Variants in BACE2 observed in about 807,000 individuals in gnomAD.
BACE2 encodes beta-secretase 2.
BACE2 carries 17 observed loss-of-function variants against 46.2 expected under a neutral mutation model. The observed-to-expected ratio is 0.37, with a 90% CI of 0.25 to 0.55. The LOEUF (loss-of-function observed/expected upper bound fraction) is 0.55, where lower values mean the gene tolerates loss of function less well. BACE2 is among the 20% of genes least tolerant of loss of function. The pLI is 0.82. For missense variants in BACE2, 595 were observed against 698.1 expected, an observed-to-expected ratio of 0.85 and a Z score of 1.66; for synonymous variants, 277 against 295.9, an observed-to-expected ratio of 0.94 and a Z score of 0.66.
intron 1 of BACE2, among the ~76,000 whole-genome samples, chr21:41,174,530 C>T (rs1369864910): frequency 6.6e-6 from 1 of 152,116 alleles, no homozygotes; most frequent in East Asian, 1.9e-4. Flanking sequence ...CTCTCCTTCT[C>T]CCTAGTATCT....
chr21:41,175,339 C>T (rs954970531), intron 1 of BACE2: 5 of 152,200 alleles, frequency 3.3e-5, no homozygotes, highest in East Asian at 1.9e-4. Flanking sequence ...TAGAGAGTAA[C>T]GTGGCGATGC....
intron 1 of BACE2, chr21:41,180,221 G>C (rs1318678656): frequency 4.9e-6 from 1 of 204,476 alleles, no homozygotes; most frequent in Non-Finnish European, 1.1e-5. Flanking sequence ...ACACAGGTCG[G>C]TGTGTCCTAT....
At chr21:41,220,006 G>C (rs990519594) in intron 1 of BACE2, among the ~76,000 whole-genome samples, 17 of 152,302 alleles carry the variant, frequency 1.1e-4, no homozygotes, top group Non-Finnish European at 2.4e-4. Flanking sequence ...CCAGTTGCGA[G>C]CTCCGGGTCA....
intron 1 of BACE2, among the ~76,000 whole-genome samples, chr21:41,197,787 A>G (rs577887973): frequency 6.6e-6 from 1 of 152,336 alleles, no homozygotes; most frequent in Admixed American, 6.5e-5. Context: ...CAGATCAGCT[A>G]TATGGCTGAG....
chr21:41,245,501 G>A (rs913997090), intron 5 of BACE2, among the ~76,000 whole-genome samples: 1 of 152,258 alleles, frequency 6.6e-6, no homozygotes, highest in South Asian at 2.1e-4. Flanking sequence ...GCAAATATGG[G>A]ATGTCTGTTG....
intron 1 of BACE2, among the ~76,000 whole-genome samples, chr21:41,192,740 C>T (rs1985616720): frequency 6.6e-6 from 1 of 152,236 alleles, no homozygotes; most frequent in Non-Finnish European, 1.5e-5. Flanking sequence ...GGACCTGTTG[C>T]AGAGCCTTCT....
At chr21:41,271,101 A>G (rs1221148443) in intron 8 of BACE2, among the ~76,000 whole-genome samples, 2 of 152,186 alleles carry the variant, frequency 1.3e-5, no homozygotes, top group Non-Finnish European at 2.9e-5. Context: ...TATTCTGTCT[A>G]ATAATATAGC....
At chr21:41,202,985 G>A (rs1254351525) in intron 1 of BACE2, among the ~76,000 whole-genome samples, 1 of 152,178 alleles carries the variant, frequency 6.6e-6, no homozygotes, top group Non-Finnish European at 1.5e-5. Context: ...TGGTGGAGAA[G>A]TTACTGTAAT....
chr21:41,183,434 A>G (rs1985223296), intron 1 of BACE2: 1 of 167,074 alleles, frequency 6.0e-6, no homozygotes, highest in Non-Finnish European at 1.5e-5. Flanking sequence ...CCAAAAACAT[A>G]TTAAATAAAA....
At chr21:41,269,824 A>G (rs141073501) in intron 8 of BACE2, among the ~76,000 whole-genome samples, 5 of 152,302 alleles carry the variant, frequency 3.3e-5, no homozygotes, top group Non-Finnish European at 7.4e-5. Flanking sequence ...CCTTGGACAT[A>G]TATTTTGTTT....
chr21:41,168,687 G>A (rs970487572), intron 1 of BACE2, 112 bp downstream of exon 1: 124 of 689,978 alleles, frequency 1.8e-4, no homozygotes, highest in Non-Finnish European at 2.3e-4. Flanking sequence ...AGCTGTCCCC[G>A]CACAGAAGAG....
chr21:41,244,880 T>TG (rs1450351276), intron 5 of BACE2, among the ~76,000 whole-genome samples: 1 of 151,702 alleles, frequency 6.6e-6, no homozygotes, highest in African/African-American at 2.4e-5. Flanking sequence ...TGTGTGTGTG[T>TG]GAGTGTGTGT....
At chr21:41,265,596 G>C (rs1044490748) in intron 8 of BACE2, among the ~76,000 whole-genome samples, 1 of 151,870 alleles carries the variant, frequency 6.6e-6, no homozygotes, top group Non-Finnish European at 1.5e-5. Flanking sequence ...GTCACTGTTT[G>C]TCCTTTTCTA....
At chr21:41,259,963 C>G (rs557043826) in intron 8 of BACE2, among the ~76,000 whole-genome samples, 1 of 151,964 alleles carries the variant, frequency 6.6e-6, no homozygotes, top group Non-Finnish European at 1.5e-5. Flanking sequence ...TCCTGAGTAG[C>G]TGGGACTACA....
At chr21:41,200,192 AAAAAAAAAAC>A (rs1429059103) in intron 1 of BACE2, among the ~76,000 whole-genome samples, 5 of 147,460 alleles carry the variant, frequency 3.4e-5, no homozygotes, top group African/African-American at 1.3e-4. Context: ...AGTATAATTA[AAAAAAAAAAC>A]AAAAAAAAAA....
At chr21:41,258,204 C>T (rs1158076527) in intron 8 of BACE2, among the ~76,000 whole-genome samples, 1 of 151,980 alleles carries the variant, frequency 6.6e-6, no homozygotes, top group Admixed American at 6.5e-5. Flanking sequence ...CAAAGTTGTG[C>T]TGGTGATATG....
At chr21:41,179,781 G>A in intron 1 of BACE2, 1 of 615,058 alleles carries the variant, frequency 1.6e-6, no homozygotes, top group Non-Finnish European at 2.6e-6. Context: ...AGACCACAGA[G>A]ACTATTGTGT....
At chr21:41,173,463 G>A (rs1568853609) in intron 1 of BACE2, among the ~76,000 whole-genome samples, 2 of 152,132 alleles carry the variant, frequency 1.3e-5, no homozygotes, top group East Asian at 1.9e-4. Flanking sequence ...AATGTCAGGC[G>A]GGGCGCGGTG....
chr21:41,169,763 A>G lies in BACE2; in HGVS notation c.312+1188A>G, dbSNP rs534700693. ...TTTAATTAGTTTAGGGGGAAAAAAA[A>G]ACCTTCAAAAGCGTATATTCAAACT... On this transcript the variant is annotated intron_variant, in intron 1 of 8. Transcript: ENST00000330333. Among the ~76,000 whole-genome samples the G allele has an allele frequency of 5.3e-5, 8 of 152,324 alleles. No individual in the cohort carries two copies. The East Asian group carries it at 1.5e-3, about 29-fold the overall frequency.
Sources: allele counts gnomAD v4.1 joint callset (sites outside exome capture counted in the v4.1 genomes callset), GRCh38; gene constraint gnomAD v4.1.1; transcripts MANE v1.5; gene names NCBI Gene and HGNC (gene_info 2026-07-23, HGNC 2026-07-21).